ZNF423: variants seen among roughly 807,000 people sequenced by gnomAD.
ZNF423 encodes Ebf-associated zinc finger protein.
A neutral mutation model predicts 95.8 loss-of-function variants in ZNF423; 12 were observed. The ratio of observed to expected loss-of-function variants is 0.13; its 90% confidence interval spans 0.08 to 0.20. ZNF423 has a LOEUF of 0.20. ZNF423 is among the 10% of genes least tolerant of loss of function. ZNF423 has a pLI of 1.00. For synonymous variants in ZNF423, 749 were observed against 711.9 expected, an observed-to-expected ratio of 1.05 and a Z score of -0.83; for missense variants, 1,316 against 1,737.1, an observed-to-expected ratio of 0.76 and a Z score of 4.31.
At chr16:49,814,650 G>C (rs1361966450) in intron 1 of ZNF423, among the ~76,000 whole-genome samples, 2 of 151,688 alleles carry the variant, frequency 1.3e-5, no homozygotes, top group African/African-American at 4.8e-5. Context: ...CAATTGGCTT[G>C]CTATAAGATT....
chr16:49,600,866 G>T (rs373066170), intron 5 of ZNF423, among the ~76,000 whole-genome samples: 1 of 152,148 alleles, frequency 6.6e-6, no homozygotes, highest in Non-Finnish European at 1.5e-5. Flanking sequence ...GAGGGGCTCC[G>T]GCCCGGCCGG....
intron 7 of ZNF423, among the ~76,000 whole-genome samples, chr16:49,514,749 G>A (rs978413376): frequency 4.6e-5 from 7 of 152,224 alleles, no homozygotes; most frequent in East Asian, 1.9e-4. Flanking sequence ...TGGGCTGGCC[G>A]CTTTGCCACC....
intron 7 of ZNF423, among the ~76,000 whole-genome samples, chr16:49,515,860 G>C (rs1231509359): frequency 6.6e-6 from 1 of 152,196 alleles, no homozygotes; most frequent in Non-Finnish European, 1.5e-5. Flanking sequence ...GTGCCCATGG[G>C]GATGCAGAGA....
intron 1 of ZNF423, among the ~76,000 whole-genome samples, chr16:49,797,268 G>A (rs548974566): frequency 5.3e-5 from 8 of 152,194 alleles, no homozygotes; most frequent in African/African-American, 1.9e-4. Context: ...CAGGTAGAGC[G>A]GTATAGGCCA....
At chr16:49,854,670 A>G (rs2035338682) in intron 1 of ZNF423, 1 of 985,272 alleles carries the variant, frequency 1.0e-6, no homozygotes, top group African/African-American at 1.7e-5. Context: ...ACAAAGCAGC[A>G]GGCAAGGCCT....
chr16:49,747,605 G>A (rs1220514154), intron 2 of ZNF423, among the ~76,000 whole-genome samples: 1 of 151,028 alleles, frequency 6.6e-6, no homozygotes, highest in African/African-American at 2.4e-5. Context: ...AAGCTGAAAG[G>A]TATATCCTGG....
chr16:49,568,124 T>C (rs965228851), intron 5 of ZNF423, among the ~76,000 whole-genome samples: 15 of 151,884 alleles, frequency 9.9e-5, no homozygotes, highest in Non-Finnish European at 2.1e-4. Context: ...GGCCAATGAG[T>C]GTATGCCATG....
At chr16:49,797,676 C>T (rs1033419899) in intron 1 of ZNF423, among the ~76,000 whole-genome samples, 2 of 152,214 alleles carry the variant, frequency 1.3e-5, no homozygotes, top group South Asian at 4.1e-4. Context: ...AGAAAAGCCA[C>T]AATATGACAG....
chr16:49,730,655 C>T, intron 3 of ZNF423, 116 bp downstream of exon 3: 1 of 1,114,472 alleles, frequency 9.0e-7, no homozygotes, highest in Non-Finnish European at 1.3e-6. Flanking sequence ...AATAAAATGA[C>T]ATTAACTGTA....
chr16:49,840,261 T>TA (rs1487505013), intron 1 of ZNF423, among the ~76,000 whole-genome samples: 3 of 152,134 alleles, frequency 2.0e-5, no homozygotes, highest in East Asian at 3.8e-4. Flanking sequence ...GAAGTTTTTT[T>TA]AAAAAAAATT....
chr16:49,534,109 G>C (rs1968963669), intron 5 of ZNF423, among the ~76,000 whole-genome samples: 1 of 152,104 alleles, frequency 6.6e-6, no homozygotes, highest in Non-Finnish European at 1.5e-5. Flanking sequence ...ACCCCAGCCA[G>C]CCTGGGTGAT....
rs985218632 is a variant in ZNF423, at chr16:49,691,322, T to G, written c.301+39449A>C. The stretch of plus-strand genomic sequence containing the variant: ...ATGGTACAACTTGGTGACCAAGAAC[T>G]TGGGCTGTTTGATCAGACCGGCATG... On this transcript the variant is annotated intron_variant, in intron 3 of 7. Coordinates refer to ENST00000563137, the MANE Select transcript of ZNF423 (RefSeq NM_001379286.1). Among the ~76,000 whole-genome samples the G allele has an allele frequency of 2.0e-5, 3 of 152,352 alleles. No homozygotes were observed. The East Asian group carries it at 5.8e-4, about 29-fold the overall frequency.
chr16:49,751,636 G>A (rs2143573142), intron 2 of ZNF423, among the ~76,000 whole-genome samples: 1 of 152,310 alleles, frequency 6.6e-6, no homozygotes, highest in Middle Eastern at 3.4e-3. Flanking sequence ...TCAGACCTGG[G>A]TTCAAATCCC....
chr16:49,620,560 G>A lies in ZNF423; in HGVS notation c.3601+5610C>T, dbSNP rs112899102. The stretch of plus-strand genomic sequence containing the variant: ...CTGGCTCTGGCCTGGCTGCCCGCCA[G>A]AGAGTCCACAGCCACTTTCCAAGGA... On this transcript the variant is annotated intron_variant, in intron 5 of 7. Transcript: ENST00000563137. 5.0e-3 allele frequency among the ~76,000 whole-genome samples: 755 copies of A among 152,278 alleles called. 4 individuals carry two copies. The highest frequency in any genetic ancestry group is 0.017 in the African/African-American group (694 of 41,560).
chr16:49,714,430 G>A (rs1461812018), intron 3 of ZNF423, among the ~76,000 whole-genome samples: 1 of 152,142 alleles, frequency 6.6e-6, no homozygotes, highest in Admixed American at 6.5e-5. Context: ...GCCAAGGTGA[G>A]CAGATCACCT....
intron 3 of ZNF423, among the ~76,000 whole-genome samples, chr16:49,698,659 C>G (rs1750069141): frequency 6.6e-6 from 1 of 152,128 alleles, no homozygotes; most frequent in African/African-American, 2.4e-5. Context: ...GTGGGCCCGG[C>G]GCCTGCTCCA....
intron 3 of ZNF423, among the ~76,000 whole-genome samples, chr16:49,654,061 A>G (rs1973511437): frequency 1.3e-5 from 2 of 152,232 alleles, no homozygotes; most frequent in Non-Finnish European, 2.9e-5. Context: ...CATCTTACAG[A>G]TCAGACATCT....
At chr16:49,851,928 C>A (rs1162330175) in intron 1 of ZNF423, among the ~76,000 whole-genome samples, 1 of 152,098 alleles carries the variant, frequency 6.6e-6, no homozygotes, top group African/African-American at 2.4e-5. Context: ...GTTAGCTACC[C>A]CACTCCACAT....
intron 2 of ZNF423, among the ~76,000 whole-genome samples, chr16:49,764,040 T>G (rs2033880997): frequency 6.6e-6 from 1 of 152,164 alleles, no homozygotes; most frequent in African/African-American, 2.4e-5. Context: ...AAAGGGGCTG[T>G]GTCTGTGAGT....
Sources: gnomAD v4.1 joint callset for allele counts (sites outside exome capture counted in the v4.1 genomes callset) on GRCh38, gnomAD v4.1.1 for gene constraint, MANE v1.5 for transcripts, NCBI Gene and HGNC (gene_info 2026-07-23, HGNC 2026-07-21) for gene names.